The following ATOH8 variants were observed in gnomAD, a reference collection of about 807,000 sequenced individuals.
ATOH8 encodes the protein transcription factor ATOH8.
ATOH8 carries 9 observed loss-of-function variants against 21.2 expected under a neutral mutation model. That is an observed-to-expected ratio of 0.42 (90% CI 0.26 to 0.74). The LOEUF (loss-of-function observed/expected upper bound fraction) is 0.74, where lower values mean the gene tolerates loss of function less well. ATOH8 is among the 30% of genes least tolerant of loss of function. The pLI is 0.24. For missense variants in ATOH8, 524 were observed against 470.9 expected, an observed-to-expected ratio of 1.11 and a Z score of -1.04; for synonymous variants, 253 against 224.0, an observed-to-expected ratio of 1.13 and a Z score of -1.16.
At chr2:85,764,644 G>A (rs1679958483) in intron 2 of ATOH8, among the ~76,000 whole-genome samples, 2 of 152,192 alleles carry the variant, frequency 1.3e-5, no homozygotes, top group Admixed American at 1.3e-4. Context: ...GGGCGGTGAT[G>A]GTCATTCATT....
At chr2:85,786,783 C>G in intron 2 of ATOH8, 102 bp from the exon 3 acceptor site, 1 of 1,565,632 alleles carries the variant, frequency 6.4e-7, no homozygotes, top group South Asian at 1.1e-5. Flanking sequence ...AGGTGGGGGC[C>G]CCTCTGCCTG....
chr2:85,774,362 CAG>C (rs1680270096), intron 2 of ATOH8: 1 of 985,472 alleles, frequency 1.0e-6, no homozygotes, highest in Admixed American at 6.1e-5. Flanking sequence ...AGGCCTCAGA[CAG>C]GGTGTCAGCA....
chr2:85,783,555 T>C (rs7609387), intron 2 of ATOH8: 80,662 of 152,050 alleles, frequency 0.53, 24,751 homozygotes, highest in African/African-American at 0.86. Context: ...GCAACAAGAG[T>C]GAAACTCCGT....
Position 85,783,850 on chromosome 2 carries a change from ACC to A in ATOH8, c.961-3030_961-3029del, listed in dbSNP as rs141728955. Among the ~76,000 whole-genome samples the A allele has an allele frequency of 2.9e-4, 43 of 149,634 alleles. No individual in the cohort carries two copies. The East Asian group carries it at 5.2e-3, about 18-fold the overall frequency. On this transcript the variant is annotated intron_variant, in intron 2 of 2. Coordinates refer to ENST00000306279, the MANE Select transcript of ATOH8 (RefSeq NM_032827.7). ...TTTGCAATTATGCACCCCCACATGCACCCCCCGCCCCCCACACACAGCCACTT... is the reference window on the plus strand; with the variant it reads ...TTTGCAATTATGCACCCCCACATGCACCCCGCCCCCCACACACAGCCACTT...
Position 85,785,532 on chromosome 2 carries a change from T to TG in ATOH8, c.961-1352dup, listed in dbSNP as rs1270143727. 2.0e-5 allele frequency among the ~76,000 whole-genome samples: 3 copies of TG among 152,200 alleles called. No homozygotes were observed. The highest frequency in any genetic ancestry group is 7.2e-5 in the African/African-American group (3 of 41,454). On this transcript the variant is annotated intron_variant, in intron 2 of 2. Transcript: ENST00000306279. The surrounding 1 kb of genome is among the most constrained non-coding windows in gnomAD (Gnocchi z 4.1). ...CCCCACTTCAGCCTTGCCCCAGACT[T>TG]GCGTCTTGGCTGGCTGCCCCGGCCC...
intron 2 of ATOH8, among the ~76,000 whole-genome samples, chr2:85,783,862 C>A (rs1680560248): frequency 6.6e-6 from 1 of 152,110 alleles, no homozygotes; most frequent in South Asian, 2.1e-4. Context: ...CCCCCGCCCC[C>A]CACACACAGC....
intron 2 of ATOH8, among the ~76,000 whole-genome samples, chr2:85,768,705 AG>A (rs1439183339): frequency 6.6e-6 from 1 of 152,160 alleles, no homozygotes; most frequent in Non-Finnish European, 1.5e-5. Context: ...TGAGATTTAA[AG>A]GGCACTCAGC....
At chr2:85,772,834 A>G (rs751601815) in intron 2 of ATOH8, 3 of 455,386 alleles carry the variant, frequency 6.6e-6, no homozygotes, top group South Asian at 4.7e-5. Context: ...TTTTCTTTTA[A>G]TGTTGTTTCT....
rs1329487220 is a variant in ATOH8 at position 85,766,706 on chromosome 2, G to A, written c.960+2524G>A. ...CCAGCTCAGGACCCCTGGAGTCGCTGGAGCCTTCGAGCTCCCAGGCAGCCC... is the reference window on the plus strand; with the variant it reads ...CCAGCTCAGGACCCCTGGAGTCGCTAGAGCCTTCGAGCTCCCAGGCAGCCC... On this transcript the variant is annotated intron_variant, in intron 2 of 2. Transcript: ENST00000306279. The surrounding 1 kb of genome is among the most constrained non-coding windows in gnomAD (Gnocchi z 4.0). 6.6e-6 allele frequency among the ~76,000 whole-genome samples: 1 copy of A among 152,204 alleles called. No individual in the cohort carries two copies. Among genetic ancestry groups the A allele is most frequent in the African/African-American group, 2.4e-5 (1 of 41,452 alleles).
Position 85,757,162 on chromosome 2 carries a change from C to T in ATOH8, c.768+2205C>T, listed in dbSNP as rs181999829. Among the ~76,000 whole-genome samples, 4 of 152,370 alleles carry T rather than the reference C, an allele frequency of 2.6e-5. No individual in the cohort carries two copies. The East Asian group carries it at 5.8e-4, about 22-fold the overall frequency. On this transcript the variant is annotated intron_variant, in intron 1 of 2. Coordinates refer to ENST00000306279, the MANE Select transcript of ATOH8 (RefSeq NM_032827.7). ...TGCCCTAGCCATTCTGCCCCTTCCC[C>T]AGAAAGGCTGCCAGGCCATAGTGGG...
intron 2 of ATOH8, among the ~76,000 whole-genome samples, chr2:85,765,809 C>T (rs1205658693): frequency 6.6e-6 from 1 of 152,140 alleles, no homozygotes; most frequent in Non-Finnish European, 1.5e-5. Context: ...GGCTGGATGC[C>T]TGGCTGGTGA....
Position 85,756,142 on chromosome 2 carries a change from T to C in ATOH8, c.768+1185T>C, listed in dbSNP as rs1239677426. Among the ~76,000 whole-genome samples the C allele has an allele frequency of 4.2e-5, 5 of 119,950 alleles. 1 individual carries two copies. The East Asian group carries it at 1.1e-3, about 27-fold the overall frequency. 78.7% of individuals were successfully genotyped at this position (119,950 alleles called of 152,430 possible). ...AGGCCCTATGACTTTTGAGCCAAAG[T>C]GTCTTGCTTGGGCTTGGGGAAAGTG... is the stretch of plus-strand genomic sequence containing the variant. On this transcript the variant is annotated intron_variant, in intron 1 of 2. Coordinates refer to ENST00000306279, the MANE Select transcript of ATOH8 (RefSeq NM_032827.7).
rs1192582576 is a variant in ATOH8 at position 85,787,931 on chromosome 2, A to G, written c.*1041A>G. ...AAGGAAGGGACCAGGGGACTGGGCC[A>G]GTATGTGGAGGATGGGGCCTGCGTG... On this transcript the variant is annotated 3_prime_UTR_variant, in exon 3 of 3. Transcript: ENST00000306279. The G allele has an allele frequency of 6.5e-6, 1 of 152,820 alleles. No homozygotes were observed. The highest frequency in any genetic ancestry group is 6.5e-5 in the Admixed American group (1 of 15,292). 9.5% of individuals were successfully genotyped at this position (152,820 alleles called of 1,614,324 possible).
At chr2:85,770,574 A>G (rs1375275051) in intron 2 of ATOH8, among the ~76,000 whole-genome samples, 1 of 152,168 alleles carries the variant, frequency 6.6e-6, no homozygotes, top group Non-Finnish European at 1.5e-5. Context: ...GTGTTCTCTC[A>G]GCTGCCGTTT....
intron 2 of ATOH8, among the ~76,000 whole-genome samples, chr2:85,767,763 T>C (rs916645323): frequency 1.3e-5 from 2 of 152,064 alleles, no homozygotes; most frequent in African/African-American, 2.4e-5. Flanking sequence ...CCAAAGAATT[T>C]CTGCTTCTAA....
At chr2:85,765,684 G>T (rs1395097373) in intron 2 of ATOH8, among the ~76,000 whole-genome samples, 1 of 152,176 alleles carries the variant, frequency 6.6e-6, no homozygotes, top group East Asian at 1.9e-4. Flanking sequence ...CTCCATCTCA[G>T]CCCCTCACTG....
intron 2 of ATOH8, among the ~76,000 whole-genome samples, chr2:85,765,839 G>C (rs1359572766): frequency 3.3e-5 from 5 of 152,188 alleles, no homozygotes; most frequent in African/African-American, 1.2e-4. Flanking sequence ...GACAAGTTGG[G>C]TGGAGAGGCC....
rs552891913 is a variant in ATOH8, at chr2:85,790,137, T to G, written c.*3247T>G. On this transcript the variant is annotated 3_prime_UTR_variant, in exon 3 of 3. Transcript: ENST00000306279. ...CTCATGGGGCCCTGTGAAAGCACTTTGCAGTCCAGCCTTGGGTTTGTGGTC... is the reference window on the plus strand; with the variant it reads ...CTCATGGGGCCCTGTGAAAGCACTTGGCAGTCCAGCCTTGGGTTTGTGGTC... 6.6e-6 allele frequency among the ~76,000 whole-genome samples: 1 copy of G among 152,356 alleles called. No individual in the cohort carries two copies. The highest frequency in any genetic ancestry group is 1.9e-4 in the East Asian group (1 of 5,176).
chr2:85,757,979 G>C (rs981435815), intron 1 of ATOH8, among the ~76,000 whole-genome samples: 2 of 151,878 alleles, frequency 1.3e-5, no homozygotes, highest in African/African-American at 4.8e-5. Context: ...AGGGATGGGG[G>C]TTTCACCATG....
Sources: gnomAD v4.1 joint callset for allele counts (sites outside exome capture counted in the v4.1 genomes callset) on GRCh38, gnomAD v4.1.1 for gene constraint, Gnocchi (gnomAD v3.1) non-coding constraint, MANE v1.5 for transcripts, NCBI Gene and HGNC (gene_info 2026-07-23, HGNC 2026-07-21) for gene names.